Variants in GPC4 observed in about 807,000 individuals in gnomAD.
GPC4 encodes the protein glypican 4, also known as glypican-4.
A neutral mutation model predicts 35.0 loss-of-function variants in GPC4; 10 were observed. The observed-to-expected ratio is 0.29, with a 90% confidence interval of 0.18 to 0.48. The LOEUF (loss-of-function observed/expected upper bound fraction) is 0.48, where lower values mean the gene tolerates loss of function less well. Ranked by LOEUF, GPC4 falls within the 20% of genes least tolerant of loss-of-function variation. The pLI, the probability that GPC4 is intolerant of heterozygous loss-of-function variation, is 0.99. For synonymous variants in GPC4, 167 were observed against 170.2 expected, an observed-to-expected ratio of 0.98 and a Z score of 0.15; for missense variants, 322 against 451.3, an observed-to-expected ratio of 0.71 and a Z score of 2.60.
intron 4 of GPC4, among the ~76,000 whole-genome samples, chrX:133,307,035 G>A (rs1460639400): frequency 2.7e-5 from 3 of 112,092 alleles, no homozygotes; most frequent in Non-Finnish European, 5.6e-5. Flanking sequence ...AAAATTAGAA[G>A]AACTTGGAAA....
intron 2 of GPC4, among the ~76,000 whole-genome samples, chrX:133,331,345 G>A (rs1267806459): frequency 2.7e-5 from 3 of 111,884 alleles, no homozygotes; most frequent in Non-Finnish European, 5.6e-5. Context: ...ACACGTATAA[G>A]TAAGCTAGGG....
chrX:133,326,865 G>A (rs1273009761), intron 2 of GPC4, among the ~76,000 whole-genome samples: 1 of 112,403 alleles, frequency 8.9e-6, no homozygotes, highest in Non-Finnish European at 1.9e-5. Context: ...TCAAAGTTGA[G>A]AAGGGACCTT....
At chrX:133,383,771 C>T (rs1448664019) in intron 1 of GPC4, among the ~76,000 whole-genome samples, 1 of 111,586 alleles carries the variant, frequency 9.0e-6, no homozygotes, top group African/African-American at 3.3e-5. Flanking sequence ...TGCTTGAGCC[C>T]GGGAGGCTAA....
Position 133,415,054 on chromosome X carries a change from G to C in GPC4, c.-89C>G, listed in dbSNP as rs1257199106. The stretch of plus-strand genomic sequence containing the variant: ...CGGGCCGAGGGCTGGCGGAGTCGGG[G>C]ACTAGCGAGTGGAGCTGGAGGGAGA... On this transcript the variant is annotated 5_prime_UTR_variant, in exon 1 of 9. Coordinates refer to ENST00000370828, the MANE Select transcript of GPC4 (RefSeq NM_001448.3). 4.2e-6 allele frequency: 4 copies of C among 958,467 alleles called. No individual in the cohort carries two copies. In the Admixed American group the frequency reaches 1.1e-4, roughly 26 times the overall value. The allele number at this position is 958,467 out of a possible 1,213,427, so 79.0% of individuals were successfully genotyped here. A position where few individuals can be genotyped will look rare whatever the true frequency, so the allele number is the denominator to read the frequency against.
At chrX:133,412,695 G>C (rs764611000) in intron 1 of GPC4, among the ~76,000 whole-genome samples, 1 of 111,966 alleles carries the variant, frequency 8.9e-6, no homozygotes, top group Non-Finnish European at 1.9e-5. Context: ...GGAATGTCCA[G>C]ATAGACATAT....
chrX:133,388,690 G>A (rs1291797283), intron 1 of GPC4, among the ~76,000 whole-genome samples: 1 of 110,228 alleles, frequency 9.1e-6, no homozygotes, highest in Non-Finnish European at 1.9e-5. Context: ...TAGAGACGGG[G>A]TATCACCGTG....
At chrX:133,378,346 T>C (rs1029157843) in intron 1 of GPC4, among the ~76,000 whole-genome samples, 2 of 110,023 alleles carry the variant, frequency 1.8e-5, no homozygotes, top group Non-Finnish European at 3.8e-5. Flanking sequence ...GGTGGGTGGA[T>C]CACGAGGTCA....
At chrX:133,391,728 A>T (rs2068720510) in intron 1 of GPC4, among the ~76,000 whole-genome samples, 1 of 111,575 alleles carries the variant, frequency 9.0e-6, no homozygotes, top group Non-Finnish European at 1.9e-5. Context: ...AGCAAGATAT[A>T]AGCTGAACTG....
intron 7 of GPC4, 111 bp downstream of exon 7, chrX:133,304,614 T>A: frequency 2.2e-6 from 2 of 890,095 alleles, no homozygotes; most frequent in Admixed American, 2.4e-5. Flanking sequence ...TGTTGCTACC[T>A]ACTGTGAATT....
At chrX:133,355,985 T>A (rs1162897391) in intron 1 of GPC4, among the ~76,000 whole-genome samples, 2 of 111,948 alleles carry the variant, frequency 1.8e-5, no homozygotes, top group African/African-American at 6.5e-5. Flanking sequence ...TGCAGAACCA[T>A]GAGCCAATTA....
intron 1 of GPC4, among the ~76,000 whole-genome samples, chrX:133,378,562 C>T (rs1049348478): frequency 2.2e-5 from 2 of 91,264 alleles, no homozygotes; most frequent in Admixed American, 1.4e-4. Context: ...GGCGACAGTG[C>T]GAGACTCCAT....
intron 1 of GPC4, among the ~76,000 whole-genome samples, chrX:133,356,800 C>T (rs2068543440): frequency 8.9e-6 from 1 of 111,818 alleles, no homozygotes; most frequent in Admixed American, 9.5e-5. Flanking sequence ...AGACACTCCA[C>T]ATCACCAAGG....
chrX:133,338,057 G>A (rs1043965347), intron 2 of GPC4, among the ~76,000 whole-genome samples: 17 of 109,229 alleles, frequency 1.6e-4, no homozygotes, highest in African/African-American at 5.3e-4. Flanking sequence ...TGCTTTTGTG[G>A]TCTCACCTGG....
chrX:133,389,097 C>T (rs962377218), intron 1 of GPC4, among the ~76,000 whole-genome samples: 8 of 109,353 alleles, frequency 7.3e-5, no homozygotes, highest in Non-Finnish European at 1.1e-4. Flanking sequence ...CCTGGAACTA[C>T]AGGCGTGCGC....
chrX:133,370,302 A>C (rs1257532851), intron 1 of GPC4, among the ~76,000 whole-genome samples: 1 of 112,204 alleles, frequency 8.9e-6, no homozygotes, highest in Admixed American at 9.5e-5. Context: ...AAAACAAAAC[A>C]TGGCTGGAGG....
intron 3 of GPC4, among the ~76,000 whole-genome samples, chrX:133,311,842 A>C (rs1434944031): frequency 8.9e-6 from 1 of 111,732 alleles, no homozygotes; most frequent in African/African-American, 3.3e-5. Context: ...CTCAACCATC[A>C]GTGTTTGTCT....
chrX:133,410,715 T>G (rs1377950991), intron 1 of GPC4, among the ~76,000 whole-genome samples: 1 of 112,205 alleles, frequency 8.9e-6, no homozygotes, highest in Non-Finnish European at 1.9e-5. Context: ...CAACCCAACG[T>G]GAATCAAATA....
chrX:133,331,742 C>G (rs1395301305), intron 2 of GPC4, among the ~76,000 whole-genome samples: 3 of 92,901 alleles, frequency 3.2e-5, no homozygotes, highest in Non-Finnish European at 6.1e-5. Flanking sequence ...GCCTGGCCAA[C>G]AGAGTGAGAC....
chrX:133,313,621 T>C (rs1035552610), intron 3 of GPC4, among the ~76,000 whole-genome samples: 1 of 111,196 alleles, frequency 9.0e-6, no homozygotes, highest in East Asian at 2.9e-4. Context: ...CTGAGAAGCA[T>C]AGGATCACAG....
Sources: allele counts gnomAD v4.1 joint callset (sites outside exome capture counted in the v4.1 genomes callset), GRCh38; gene constraint gnomAD v4.1.1; transcripts MANE v1.5; gene names NCBI Gene and HGNC (gene_info 2026-07-23, HGNC 2026-07-21).